The following PRKD1 variants were observed in gnomAD, a reference collection of about 807,000 sequenced individuals.
PRKD1 encodes the protein serine/threonine-protein kinase D1.
A neutral mutation model predicts 95.9 loss-of-function variants in PRKD1; 63 were observed. That is an observed-to-expected ratio of 0.66 (90% CI 0.54 to 0.81). PRKD1 has a LOEUF of 0.81. Ranked by LOEUF, PRKD1 falls within the 30% of genes least tolerant of loss-of-function variation. The pLI, the probability that PRKD1 is intolerant of heterozygous loss-of-function variation, is 0.00. For missense variants in PRKD1, 1,048 were observed against 1,165.3 expected (o/e 0.90, Z 1.47); for synonymous variants, 425 against 423.1 (o/e 1.00, Z -0.05).
At chr14:29,809,539 T>C (rs142483600) in intron 1 of PRKD1, among the ~76,000 whole-genome samples, 19 of 152,376 alleles carry the variant, frequency 1.2e-4, no homozygotes, top group East Asian at 1.2e-3. Context: ...CATCAGCACT[T>C]GCTGCTACAC....
intron 1 of PRKD1, among the ~76,000 whole-genome samples, chr14:29,761,194 C>T (rs1887962252): frequency 6.6e-6 from 1 of 152,106 alleles, no homozygotes; most frequent in South Asian, 2.1e-4. Flanking sequence ...GCTTCCTTGC[C>T]CCCTTAAGTA....
At chr14:29,913,789 C>T (rs1179106956) in intron 1 of PRKD1, among the ~76,000 whole-genome samples, 1 of 152,156 alleles carries the variant, frequency 6.6e-6, no homozygotes, top group East Asian at 1.9e-4. Flanking sequence ...ACAACTGACG[C>T]CCTGTGTCCA....
At position 29,624,258 on chromosome 14, in the gene PRKD1, C is replaced by A; in HGVS notation, c.1799G>T (p.Gly600Val). ...GSGQFGIVYG[G>V]KHRKTGRDVA... Reference sequence around the variant, plus strand: ...ATCTCTTCCTGTTTTACGATGTTTTCCTTTAAAATGAAAAAGGGAAGCATT... The same window carrying A: ...ATCTCTTCCTGTTTTACGATGTTTTACTTTAAAATGAAAAAGGGAAGCATT... Residue 600 changes from glycine (G) to valine (V), a missense_variant and splice_region_variant, in exon 13 of 18, where the codon GGA (glycine) becomes GTA (valine). By Grantham distance (109) the Gly-to-Val change is moderately radical (BLOSUM62 -3). Around this residue, in one of 3 missense-constraint regions of PRKD1, gnomAD observed 739 missense variants for 861.9 expected, o/e 0.86. Coordinates refer to ENST00000331968, the MANE Select transcript of PRKD1 (RefSeq NM_002742.3). 1 of 1,589,156 alleles carries A rather than the reference C, an allele frequency of 6.3e-7. No homozygotes were observed. The highest frequency in any genetic ancestry group is 8.6e-7 in the Non-Finnish European group (1 of 1,167,190).
intron 13 of PRKD1, among the ~76,000 whole-genome samples, chr14:29,604,146 G>A (rs878933451): frequency 3.9e-5 from 6 of 152,132 alleles, no homozygotes; most frequent in East Asian, 1.9e-4. Flanking sequence ...TTGTTTTTAC[G>A]TAATTCTCAT....
Position 29,591,797 on chromosome 14 carries a change from G to C in PRKD1, c.2434+5694C>G, listed in dbSNP as rs78920206. Reference sequence around the variant, plus strand: ...CTTCTTAACTCACAGACTGAGTCTTGCTTGCAATTTTCTGGGGTTTTTAGC... The same window carrying C: ...CTTCTTAACTCACAGACTGAGTCTTCCTTGCAATTTTCTGGGGTTTTTAGC... On this transcript the variant is annotated intron_variant, in intron 16 of 17. Coordinates refer to ENST00000331968, the MANE Select transcript of PRKD1 (RefSeq NM_002742.3). Among the ~76,000 whole-genome samples the C allele has an allele frequency of 4.1e-3, 618 of 152,134 alleles. 4 individuals are homozygous for C. Among genetic ancestry groups the C allele is most frequent in the African/African-American group, 0.013 (559 of 41,512 alleles).
At chr14:29,768,896 C>G (rs774500933) in intron 1 of PRKD1, among the ~76,000 whole-genome samples, 2 of 152,126 alleles carry the variant, frequency 1.3e-5, no homozygotes, top group African/African-American at 4.8e-5. Context: ...TGGTTACATG[C>G]TTCTCAGGAC....
intron 2 of PRKD1, among the ~76,000 whole-genome samples, chr14:29,676,791 G>C (rs1883251320): frequency 6.6e-6 from 1 of 152,186 alleles, no homozygotes; most frequent in Admixed American, 6.5e-5. Context: ...ATGGACTGTA[G>C]AGTTAATTTG....
Position 29,638,482 on chromosome 14 carries a change from T to C in PRKD1, c.985+7A>G. ...AGCACAGACATGACAGCTGATCTTTTACCTACCTCCATTAATGGTCACTTC... is the reference window on the plus strand; with the variant it reads ...AGCACAGACATGACAGCTGATCTTTCACCTACCTCCATTAATGGTCACTTC... On this transcript the variant is annotated splice_region_variant and intron_variant, in intron 6 of 17. Transcript: ENST00000331968. 1 of 1,613,550 alleles carries C rather than the reference T, an allele frequency of 6.2e-7. No individual in the cohort carries two copies. The highest frequency in any genetic ancestry group is 1.1e-5 in the South Asian group (1 of 91,068).
intron 2 of PRKD1, among the ~76,000 whole-genome samples, chr14:29,696,339 A>T (rs112898274): frequency 3.9e-5 from 6 of 152,324 alleles, no homozygotes; most frequent in African/African-American, 1.4e-4. Flanking sequence ...TTTAGTATAA[A>T]ACATAAAGGA....
At chr14:29,727,111 T>C (rs966109345) in intron 1 of PRKD1, among the ~76,000 whole-genome samples, 1 of 152,184 alleles carries the variant, frequency 6.6e-6, no homozygotes, top group African/African-American at 2.4e-5. Context: ...TGTAATGATA[T>C]CTCATTGTGG....
chr14:29,880,578 C>T (rs1893471857), intron 1 of PRKD1, among the ~76,000 whole-genome samples: 2 of 152,064 alleles, frequency 1.3e-5, no homozygotes, highest in South Asian at 2.1e-4. Context: ...GGGGGACCAC[C>T]GAGTAGAGCT....
At position 29,736,341 on chromosome 14, in the gene PRKD1, G is replaced by A. The variant is rs45453093; in HGVS notation, c.265-10667C>T. Among the ~76,000 whole-genome samples, 1,236 of 152,186 alleles carry A rather than the reference G, an allele frequency of 8.1e-3. 22 individuals carry two copies. Among genetic ancestry groups the A allele is most frequent in the African/African-American group, 0.028 (1,143 of 41,508 alleles). On this transcript the variant is annotated intron_variant, in intron 1 of 17. Coordinates refer to ENST00000331968, the MANE Select transcript of PRKD1 (RefSeq NM_002742.3). Reference sequence around the variant, plus strand: ...ATATACAATAAAACTTAGCAAAATCGTACTTTAAAATGATGTCTGGAAGGC... The same window carrying A: ...ATATACAATAAAACTTAGCAAAATCATACTTTAAAATGATGTCTGGAAGGC...
chr14:29,689,108 ACAAATAGGATCTAATCAAACT>A (rs1884074866), intron 2 of PRKD1, among the ~76,000 whole-genome samples: 1 of 152,052 alleles, frequency 6.6e-6, no homozygotes, highest in African/African-American at 2.4e-5. Context: ...CCAAAAAATG[ACAAATAGGATCTAATCAAACT>A]AAAGAGCTTC....
At chr14:29,670,048 T>C (rs1167577560) in intron 2 of PRKD1, among the ~76,000 whole-genome samples, 1 of 152,220 alleles carries the variant, frequency 6.6e-6, no homozygotes, top group African/African-American at 2.4e-5. Context: ...TACACTTCTG[T>C]AACTTTTACT....
intron 16 of PRKD1, among the ~76,000 whole-genome samples, chr14:29,590,717 A>T (rs993126399): frequency 6.6e-6 from 1 of 152,214 alleles, no homozygotes; most frequent in African/African-American, 2.4e-5. Flanking sequence ...CTGTAACCCC[A>T]TATCTTCAAA....
At chr14:29,698,197 A>G (rs1412503900) in intron 2 of PRKD1, among the ~76,000 whole-genome samples, 1 of 152,152 alleles carries the variant, frequency 6.6e-6, no homozygotes, top group African/African-American at 2.4e-5. Flanking sequence ...AACATAAACA[A>G]ATGTTTATAA....
At chr14:29,819,559 GGGCGCCTGTAGTCCCAGCTACTC>G (rs1322950759) in intron 1 of PRKD1, among the ~76,000 whole-genome samples, 3 of 152,060 alleles carry the variant, frequency 2.0e-5, no homozygotes, top group Admixed American at 6.6e-5. Flanking sequence ...GCGTGGTGGC[GGGCGCCTGTAGTCCCAGCTACTC>G]GGGAGGCTGA....
chr14:29,665,909 A>ACG (rs1301518065), intron 3 of PRKD1, among the ~76,000 whole-genome samples, 168 bp downstream of exon 3: 4 of 152,104 alleles, frequency 2.6e-5, no homozygotes, highest in Non-Finnish European at 5.9e-5. Flanking sequence ...GTATATATAC[A>ACG]CACATATATA....
chr14:29,906,304 C>T (rs1263377205), intron 1 of PRKD1, among the ~76,000 whole-genome samples: 1 of 151,998 alleles, frequency 6.6e-6, no homozygotes, highest in East Asian at 1.9e-4. Context: ...TTTGGGAAGC[C>T]AAGGCAGGAG....
Sources: allele counts gnomAD v4.1 joint callset (sites outside exome capture counted in the v4.1 genomes callset), GRCh38; gene constraint gnomAD v4.1.1; regional missense constraint gnomAD v4.1.1; transcripts MANE v1.5; gene names NCBI Gene and HGNC (gene_info 2026-07-23, HGNC 2026-07-21).